The following CBLN2 variants were observed in gnomAD, a reference collection of about 807,000 sequenced individuals.
CBLN2 encodes cerebellin 2 precursor.
Under a neutral mutation model 15.0 loss-of-function variants are expected in CBLN2, and 7 were observed. The ratio of observed to expected loss-of-function variants is 0.47; its 90% CI spans 0.27 to 0.88. CBLN2 has a LOEUF of 0.88. Among genes scored for constraint, CBLN2 ranks in the 40% least tolerant of loss-of-function variants. The probability of loss-of-function intolerance (pLI) is 0.14; values close to 1 mark genes in which losing one functional copy is unlikely to be tolerated. For synonymous variants in CBLN2, 149 were observed against 135.2 expected, an observed-to-expected ratio of 1.10 and a Z score of -0.71; for missense variants, 242 against 304.5, an observed-to-expected ratio of 0.79 and a Z score of 1.53.
intron 1 of CBLN2, among the ~76,000 whole-genome samples, chr18:72,566,211 G>A (rs1363316963): frequency 6.6e-6 from 1 of 152,182 alleles, no homozygotes; most frequent in Non-Finnish European, 1.5e-5. Context: ...CTTGCACACT[G>A]TTGGTGGGAA....
At chr18:72,548,547 G>A (rs1042739018), upstream of CBLN2, among the ~76,000 whole-genome samples, 5 of 152,152 alleles carry the variant, frequency 3.3e-5, no homozygotes, top group African/African-American at 4.8e-5. Flanking sequence ...CTCAGGATCC[G>A]TTCTTCTGAT....
chr18:72,590,544 T>C (rs529899853), intron 1 of CBLN2, among the ~76,000 whole-genome samples: 24 of 152,302 alleles, frequency 1.6e-4, no homozygotes, highest in African/African-American at 5.8e-4. Context: ...ATTGTGATAA[T>C]GACTGGGTTT....
At chr18:72,578,973 C>T (rs925729134) in intron 1 of CBLN2, among the ~76,000 whole-genome samples, 2 of 152,200 alleles carry the variant, frequency 1.3e-5, no homozygotes, top group Non-Finnish European at 2.9e-5. Context: ...CAATCTGTGT[C>T]ACTATCTCTC....
At chr18:72,572,865 CAA>C (rs1436524529) in intron 1 of CBLN2, among the ~76,000 whole-genome samples, 1 of 151,398 alleles carries the variant, frequency 6.6e-6, no homozygotes, top group Non-Finnish European at 1.5e-5. Context: ...ATATAAAAAA[CAA>C]AAATAAAATA....
At chr18:72,562,029 A>G (rs1216534454) in intron 1 of CBLN2, among the ~76,000 whole-genome samples, 1 of 152,156 alleles carries the variant, frequency 6.6e-6, no homozygotes, top group Non-Finnish European at 1.5e-5. Flanking sequence ...AACAGAACTA[A>G]CTCACAGAAC....
At chr18:72,598,243 G>T (rs1342069562) in intron 1 of CBLN2, among the ~76,000 whole-genome samples, 1 of 152,218 alleles carries the variant, frequency 6.6e-6, no homozygotes, top group African/African-American at 2.4e-5. Context: ...GGACCCAAGG[G>T]CTCTTTAGTC....
intron 1 of CBLN2, among the ~76,000 whole-genome samples, chr18:72,591,492 G>T (rs1463535395): frequency 5.9e-5 from 9 of 151,958 alleles, no homozygotes; most frequent in Admixed American, 2.6e-4. Flanking sequence ...ACTATTCTTT[G>T]TGTTACAAAT....
intron 1 of CBLN2, among the ~76,000 whole-genome samples, chr18:72,636,201 A>G (rs953390202): frequency 6.6e-6 from 1 of 152,230 alleles, no homozygotes; most frequent in African/African-American, 2.4e-5. Context: ...ACTTCACTGA[A>G]AATATTCAAA....
intron 1 of CBLN2, among the ~76,000 whole-genome samples, chr18:72,609,366 C>T (rs1599021633): frequency 1.3e-5 from 2 of 151,854 alleles, no homozygotes; most frequent in East Asian, 1.9e-4. Flanking sequence ...TGACTTGTAT[C>T]CTTAAAAGAA....
intron 1 of CBLN2, among the ~76,000 whole-genome samples, chr18:72,626,081 G>A: frequency 6.6e-6 from 1 of 151,840 alleles, no homozygotes; most frequent in East Asian, 1.9e-4. Flanking sequence ...TATCCCTGAG[G>A]AAAGAATCTG....
chr18:72,550,105 T>C (rs1253913434), intron 1 of CBLN2, among the ~76,000 whole-genome samples: 1 of 152,224 alleles, frequency 6.6e-6, no homozygotes. Flanking sequence ...TGGGCTTTTC[T>C]TACTCACTGC....
rs540781570 is a variant in CBLN2, at chr18:72,561,308, A to C, written c.16-22536T>G. 3.9e-5 allele frequency among the ~76,000 whole-genome samples: 6 copies of C among 151,942 alleles called. 1 individual carries two copies. Among genetic ancestry groups the C allele is most frequent in the African/African-American group, 1.4e-4 (6 of 41,492 alleles). On this transcript the variant is annotated intron_variant, in intron 1 of 2. Coordinates refer to the CBLN2 transcript ENST00000581073. The stretch of plus-strand genomic sequence containing the variant: ...AAATTATAAAGAATATGAGAAGTTA[A>C]TTTTCAAACCAGAAGAAAAGTAAAA...
intron 1 of CBLN2, among the ~76,000 whole-genome samples, chr18:72,591,519 TC>T (rs1320501766): frequency 2.0e-5 from 3 of 152,160 alleles, no homozygotes; most frequent in Non-Finnish European, 2.9e-5. Flanking sequence ...ATTAAACTCT[TC>T]CATTATTTTG....
chr18:72,614,816 C>T (rs1218915310), intron 1 of CBLN2, among the ~76,000 whole-genome samples: 1 of 151,552 alleles, frequency 6.6e-6, no homozygotes, highest in Non-Finnish European at 1.5e-5. Context: ...ATACACTCAC[C>T]AAGCTAATGA....
At chr18:72,599,198 C>T (rs972699834) in intron 1 of CBLN2, among the ~76,000 whole-genome samples, 14 of 152,158 alleles carry the variant, frequency 9.2e-5, no homozygotes, top group Non-Finnish European at 1.5e-4. Flanking sequence ...TGTGGTAACA[C>T]TGTGAAATTC....
upstream of CBLN2, among the ~76,000 whole-genome samples, chr18:72,547,161 C>T (rs1282238025): frequency 6.6e-6 from 1 of 151,688 alleles, no homozygotes; most frequent in Non-Finnish European, 1.5e-5. Context: ...TGGAATACTA[C>T]TCAGCCATAA....
rs150975201 is a variant in CBLN2 at position 72,604,706 on chromosome 18, TAAG to T, written c.15+33616_15+33618del. Among the ~76,000 whole-genome samples, 66 of 152,322 alleles carry T rather than the reference TAAG, an allele frequency of 4.3e-4. No homozygotes were observed. The East Asian group carries it at 0.01, about 23-fold the overall frequency. ...CAAAGGAGTAGGACTGGTGGCTTTA[TAAG>T]AAGAAGAAGATGAACCTGAGCTAGC... is the stretch of plus-strand genomic sequence containing the variant. On this transcript the variant is annotated intron_variant, in intron 1 of 2. Coordinates refer to the CBLN2 transcript ENST00000581073.
At chr18:72,544,886 T>C (rs1467450900), upstream of CBLN2, among the ~76,000 whole-genome samples, 3 of 152,022 alleles carry the variant, frequency 2.0e-5, no homozygotes, top group East Asian at 1.9e-4. Context: ...AATATTTAAA[T>C]CTACACTCTA....
At chr18:72,609,018 C>T (rs2069603264) in intron 1 of CBLN2, among the ~76,000 whole-genome samples, 4 of 152,066 alleles carry the variant, frequency 2.6e-5, no homozygotes, top group Admixed American at 2.6e-4. Flanking sequence ...TTCACTTGGC[C>T]CCAGCTTTGA....
Sources: gnomAD v4.1 joint callset for allele counts (sites outside exome capture counted in the v4.1 genomes callset) on GRCh38, gnomAD v4.1.1 for gene constraint, MANE v1.5 for transcripts, NCBI Gene and HGNC (gene_info 2026-07-23, HGNC 2026-07-21) for gene names.